The following PTCHD4 variants were observed in gnomAD, a reference collection of about 807,000 sequenced individuals.
PTCHD4 encodes patched domain containing 4, also known as patched domain-containing protein 4.
Under a neutral mutation model 58.1 loss-of-function variants are expected in PTCHD4, and 33 were observed. The ratio of observed to expected loss-of-function variants is 0.57; its 90% confidence interval spans 0.43 to 0.76. The LOEUF (loss-of-function observed/expected upper bound fraction) is 0.76. PTCHD4 is among the 30% of genes least tolerant of loss of function. The pLI is 0.00. For synonymous variants in PTCHD4, 478 were observed against 409.6 expected (o/e 1.17, Z -2.02); for missense variants, 1,058 against 1,027.1 (o/e 1.03, Z -0.41).
chr6:48,068,720 C>T lies in PTCHD4; in HGVS notation c.6-79G>A. On this transcript the variant is annotated intron_variant, in intron 2 of 4. Transcript: ENST00000339488. The surrounding 1 kb of genome is among the most constrained non-coding windows in gnomAD (Gnocchi z 4.2). ...TCCCACCCCCTGGGGCCAGTCCCCCCTCCCCACCGCCGCCGCCTCCCCACC... is the reference window on the plus strand; with the variant it reads ...TCCCACCCCCTGGGGCCAGTCCCCCTTCCCCACCGCCGCCGCCTCCCCACC... The T allele has an allele frequency of 7.2e-7, 1 of 1,386,754 alleles. No homozygotes were observed. Among genetic ancestry groups the T allele is most frequent in the East Asian group, 2.5e-5 (1 of 39,904 alleles). The allele number at this position is 1,386,754 out of a possible 1,614,324, so 85.9% of individuals were successfully genotyped here.
At chr6:48,106,584 G>C (rs906600549) in intron 1 of PTCHD4, among the ~76,000 whole-genome samples, 1 of 152,140 alleles carries the variant, frequency 6.6e-6, no homozygotes, top group African/African-American at 2.4e-5. Flanking sequence ...TCAATATAGT[G>C]TTGGAAGTTC....
chr6:47,942,237 T>C (rs1358208795), intron 4 of PTCHD4, among the ~76,000 whole-genome samples: 2 of 152,174 alleles, frequency 1.3e-5, no homozygotes, highest in Non-Finnish European at 2.9e-5. Flanking sequence ...AACTGGGGAG[T>C]TGCAAATACA....
At chr6:47,931,626 A>C (rs947148087) in intron 4 of PTCHD4, among the ~76,000 whole-genome samples, 1 of 152,262 alleles carries the variant, frequency 6.6e-6, no homozygotes, top group Non-Finnish European at 1.5e-5. Flanking sequence ...CTTTTAAAAC[A>C]TAATCTCCAA....
At chr6:48,070,013 A>G (rs993525412) in intron 1 of PTCHD4, among the ~76,000 whole-genome samples, 87 bp from the exon 2 acceptor site, 5 of 152,142 alleles carry the variant, frequency 3.3e-5, no homozygotes, top group African/African-American at 7.2e-5. Flanking sequence ...TGTATAAGAA[A>G]GAAAACCCCC....
At chr6:48,044,080 G>A (rs536156721) in intron 3 of PTCHD4, among the ~76,000 whole-genome samples, 3 of 151,902 alleles carry the variant, frequency 2.0e-5, no homozygotes, top group Admixed American at 6.6e-5. Context: ...TCTTTCCTGA[G>A]ACTGGTGGGG....
chr6:47,924,337 T>A (rs985440267), intron 4 of PTCHD4, among the ~76,000 whole-genome samples: 4 of 152,110 alleles, frequency 2.6e-5, no homozygotes, highest in Non-Finnish European at 4.4e-5. Context: ...GAGAAAGATG[T>A]TTAACAGGCT....
intron 3 of PTCHD4, among the ~76,000 whole-genome samples, chr6:48,049,177 C>T (rs527747839): frequency 5.3e-5 from 8 of 151,896 alleles, no homozygotes; most frequent in East Asian, 1.9e-4. Flanking sequence ...TTGTTTTTCA[C>T]GACTTGGGGG....
chr6:48,021,024 C>T (rs1763049383), intron 3 of PTCHD4, among the ~76,000 whole-genome samples: 1 of 152,060 alleles, frequency 6.6e-6, no homozygotes, highest in Admixed American at 6.6e-5. Flanking sequence ...AAGTTCTAAG[C>T]AATCTGTCTA....
chr6:48,107,801 G>A (rs567307820), intron 1 of PTCHD4, among the ~76,000 whole-genome samples: 1 of 152,250 alleles, frequency 6.6e-6, no homozygotes, highest in South Asian at 2.1e-4. Context: ...GATATGAACA[G>A]ACACTTCTCA....
chr6:48,036,807 T>C (rs1258433003), intron 3 of PTCHD4, among the ~76,000 whole-genome samples: 1 of 152,118 alleles, frequency 6.6e-6, no homozygotes. Flanking sequence ...TTTCTATTCA[T>C]GAAATTGTGA....
intron 4 of PTCHD4, among the ~76,000 whole-genome samples, chr6:47,912,884 C>T (rs1571444): frequency 0.57 from 86,332 of 151,930 alleles, 25,799 homozygotes; most frequent in East Asian, 0.78. Context: ...CCTCTTCCTC[C>T]GAATAATCTT....
At chr6:48,001,755 A>T (rs184667742) in intron 4 of PTCHD4, among the ~76,000 whole-genome samples, 19 of 152,368 alleles carry the variant, frequency 1.2e-4, no homozygotes, top group African/African-American at 4.6e-4. Flanking sequence ...CAAAATTGAC[A>T]AATGGGATCT....
rs1033411173 is a variant in PTCHD4, at chr6:47,979,399, T to C, written c.898+29235A>G. ...TAAATGACATGCACACGGATGTGTA[T>C]GGGGTGAAAGTTAAAATGGATAAAA... On this transcript the variant is annotated intron_variant, in intron 4 of 4. Transcript: ENST00000339488. Among the ~76,000 whole-genome samples, 7 of 152,136 alleles carry C rather than the reference T, an allele frequency of 4.6e-5. No individual in the cohort carries two copies. The East Asian group carries it at 1.3e-3, about 29-fold the overall frequency.
intron 4 of PTCHD4, among the ~76,000 whole-genome samples, chr6:47,889,576 C>G (rs1764313237): frequency 6.6e-6 from 1 of 151,912 alleles, no homozygotes; most frequent in Admixed American, 6.6e-5. Context: ...TGATCTTTGA[C>G]AAACCTGAGA....
chr6:48,014,579 G>A (rs187475263), intron 3 of PTCHD4, among the ~76,000 whole-genome samples: 2 of 152,124 alleles, frequency 1.3e-5, no homozygotes, highest in East Asian at 3.9e-4. Flanking sequence ...TATAAAATGA[G>A]CAACTATGAG....
At position 47,989,881 on chromosome 6, in the gene PTCHD4, C is replaced by T. The variant is rs188239338; in HGVS notation, c.898+18753G>A. Among the ~76,000 whole-genome samples the T allele has an allele frequency of 2.7e-3, 406 of 152,236 alleles. 5 individuals are homozygous for T. Among genetic ancestry groups the T allele is most frequent in the Middle Eastern group, 0.01 (3 of 294 alleles). ...CGAAGAAGGCCACTGTCTTCCAGAC[C>T]CCAGAACCGTAGATCCACCAATAGC... is the stretch of plus-strand genomic sequence containing the variant. On this transcript the variant is annotated intron_variant, in intron 4 of 4. Coordinates refer to ENST00000339488, the MANE Select transcript of PTCHD4 (RefSeq NM_001384253.1).
chr6:47,884,604 A>T (rs907779980), intron 4 of PTCHD4, among the ~76,000 whole-genome samples: 1 of 152,142 alleles, frequency 6.6e-6, no homozygotes, highest in African/African-American at 2.4e-5. Context: ...ATTTCCCAGT[A>T]CCCAGTCCTA....
intron 4 of PTCHD4, among the ~76,000 whole-genome samples, chr6:47,944,145 G>A (rs1766334225): frequency 6.6e-6 from 1 of 151,932 alleles, no homozygotes; most frequent in African/African-American, 2.4e-5. Flanking sequence ...TAATAAAAAT[G>A]GCATGGTCTA....
intron 4 of PTCHD4, among the ~76,000 whole-genome samples, chr6:47,903,928 A>G (rs1764793808): frequency 6.6e-6 from 1 of 152,186 alleles, no homozygotes; most frequent in Non-Finnish European, 1.5e-5. Context: ...GATGGCCTGA[A>G]AGAAGGGAGG....
Sources: allele counts gnomAD v4.1 joint callset (sites outside exome capture counted in the v4.1 genomes callset), GRCh38; gene constraint gnomAD v4.1.1; non-coding constraint Gnocchi (gnomAD v3.1); transcripts MANE v1.5; gene names NCBI Gene and HGNC (gene_info 2026-07-23, HGNC 2026-07-21).